The following TSHZ2 variants were observed in gnomAD, a reference collection of about 807,000 sequenced individuals.
TSHZ2 encodes teashirt homolog 2.
Under a neutral mutation model 74.4 loss-of-function variants are expected in TSHZ2, and 21 were observed. That is an observed-to-expected ratio of 0.28 (90% CI 0.20 to 0.41). TSHZ2 has a LOEUF of 0.41. Ranked by LOEUF, TSHZ2 falls within the 10% of genes least tolerant of loss-of-function variation. The pLI, the probability that TSHZ2 is intolerant of heterozygous loss-of-function variation, is 1.00. For missense variants in TSHZ2, 1,244 were observed against 1,293.5 expected, an observed-to-expected ratio of 0.96 and a Z score of 0.59; for synonymous variants, 540 against 515.3, an observed-to-expected ratio of 1.05 and a Z score of -0.65.
chr20:53,184,369 T>G (rs1452768272), intron 1 of TSHZ2, among the ~76,000 whole-genome samples: 4 of 152,242 alleles, frequency 2.6e-5, no homozygotes, highest in Non-Finnish European at 4.4e-5. Context: ...GACTGACTTT[T>G]TCTGAATTTT....
chr20:52,972,872 G>T lies in TSHZ2; in HGVS notation c.-422G>T. 4.4e-6 allele frequency: 1 copy of T among 228,404 alleles called. No homozygotes were observed. 14.1% of individuals were successfully genotyped at this position (228,404 alleles called of 1,614,324 possible). A position where few individuals can be genotyped will look rare whatever the true frequency, so the allele number is the denominator to read the frequency against. On this transcript the variant is annotated 5_prime_UTR_variant, in exon 1 of 3. Transcript: ENST00000371497. ...ACGCGCGAGTGTGCCTGTGGCGCGT[G>T]TGCGCCCCTCGTCCCTTCCATCCGA...
intron 2 of TSHZ2, among the ~76,000 whole-genome samples, chr20:53,334,367 C>A (rs1354207639): frequency 6.6e-6 from 1 of 152,094 alleles, no homozygotes; most frequent in African/African-American, 2.4e-5. Context: ...AAGTGAAAGC[C>A]ACACAGACAT....
In TSHZ2 at chr20:53,424,687, G is replaced by C. The variant is rs995327941; in HGVS notation, c.*9-62457G>C. Among the ~76,000 whole-genome samples the C allele has an allele frequency of 2.0e-5, 3 of 152,116 alleles. No individual in the cohort carries two copies. In the East Asian group the frequency reaches 5.8e-4, roughly 29 times the overall value. On this transcript the variant is annotated intron_variant, in intron 2 of 2. Transcript: ENST00000371497. ...CCATCACCTAGGTATTAAGCCCGGC[G>C]TGCATTAGCTATTTTTCCTGATGCT...
At chr20:53,014,817 T>C (rs1188482775) in intron 1 of TSHZ2, among the ~76,000 whole-genome samples, 1 of 152,160 alleles carries the variant, frequency 6.6e-6, no homozygotes, top group Non-Finnish European at 1.5e-5. Context: ...CCTGCTCCCC[T>C]CCACCTCCCT....
At chr20:53,444,569 C>T (rs1984477880) in intron 2 of TSHZ2, among the ~76,000 whole-genome samples, 1 of 152,134 alleles carries the variant, frequency 6.6e-6, no homozygotes, top group Non-Finnish European at 1.5e-5. Flanking sequence ...TCACGAGAGC[C>T]CTGTCAGCAT....
intron 2 of TSHZ2, among the ~76,000 whole-genome samples, chr20:53,433,584 GACACACACAC>G (rs59162370): frequency 2.8e-4 from 38 of 137,158 alleles, no homozygotes; most frequent in Middle Eastern, 7.2e-3. Context: ...CAGACACACA[GACACACACAC>G]ACACACACAC....
chr20:53,114,773 A>G (rs1986624752), intron 1 of TSHZ2, among the ~76,000 whole-genome samples: 1 of 152,010 alleles, frequency 6.6e-6, no homozygotes, highest in African/African-American at 2.4e-5. Flanking sequence ...AGGGGTGATT[A>G]TTTGGGCCTT....
intron 1 of TSHZ2, among the ~76,000 whole-genome samples, chr20:52,994,879 C>T (rs1225720912): frequency 1.3e-5 from 2 of 152,216 alleles, no homozygotes; most frequent in Admixed American, 1.3e-4. Flanking sequence ...ACATGCCAGG[C>T]TCTGTCCCAT....
At chr20:53,186,293 G>A (rs1010464291) in intron 1 of TSHZ2, among the ~76,000 whole-genome samples, 3 of 152,162 alleles carry the variant, frequency 2.0e-5, no homozygotes, top group Non-Finnish European at 2.9e-5. Flanking sequence ...TTAGAGCTGG[G>A]TATTAAAGAT....
At chr20:53,157,491 G>T (rs1360426948) in intron 1 of TSHZ2, among the ~76,000 whole-genome samples, 1 of 149,256 alleles carries the variant, frequency 6.7e-6, no homozygotes, top group African/African-American at 2.5e-5. Context: ...ACTGCAGTCT[G>T]AAACTCCTGG....
chr20:53,098,142 G>T (rs2123283460), intron 1 of TSHZ2, among the ~76,000 whole-genome samples: 1 of 152,292 alleles, frequency 6.6e-6, no homozygotes, highest in South Asian at 2.1e-4. Context: ...GTGGTTACGA[G>T]CATAGCATTT....
intron 1 of TSHZ2, among the ~76,000 whole-genome samples, chr20:53,229,839 AAAG>A (rs1378876394): frequency 1.3e-5 from 2 of 150,124 alleles, no homozygotes; most frequent in African/African-American, 2.5e-5. Flanking sequence ...AAGAGAAAGA[AAAG>A]AAAAAAAGAA....
intron 2 of TSHZ2, among the ~76,000 whole-genome samples, chr20:53,425,434 C>T (rs1008463707): frequency 2.0e-5 from 3 of 152,174 alleles, no homozygotes; most frequent in Middle Eastern, 3.2e-3. Flanking sequence ...TGCTCATTTC[C>T]CTGCAAGGAA....
At chr20:53,127,269 G>A (rs1214266183) in intron 1 of TSHZ2, among the ~76,000 whole-genome samples, 3 of 152,214 alleles carry the variant, frequency 2.0e-5, no homozygotes, top group Non-Finnish European at 4.4e-5. Flanking sequence ...AGAAAAGGAC[G>A]AAGCTCTCAG....
intron 2 of TSHZ2, among the ~76,000 whole-genome samples, chr20:53,258,617 T>A (rs1990535389): frequency 6.6e-6 from 1 of 152,008 alleles, no homozygotes; most frequent in African/African-American, 2.4e-5. Context: ...GAATCTGGAG[T>A]GTATGATACC....
At chr20:53,048,210 A>C (rs1984297083) in intron 1 of TSHZ2, among the ~76,000 whole-genome samples, 1 of 152,194 alleles carries the variant, frequency 6.6e-6, no homozygotes, top group Non-Finnish European at 1.5e-5. Context: ...AAGACAGCCC[A>C]GGACCCATTC....
At chr20:52,989,634 A>G (rs1283273112) in intron 1 of TSHZ2, among the ~76,000 whole-genome samples, 2 of 152,162 alleles carry the variant, frequency 1.3e-5, no homozygotes, top group Non-Finnish European at 2.9e-5. Context: ...CTTATTACAT[A>G]CTCAGAACAA....
intron 2 of TSHZ2, among the ~76,000 whole-genome samples, chr20:53,436,536 A>ATTTTTTTTTTTTTTTT (rs71194478): frequency 4.8e-5 from 4 of 83,562 alleles, no homozygotes; most frequent in African/African-American, 1.5e-4. Context: ...TATTATTATT[A>ATTTTTTTTTTTTTTTT]TTATTATTAT....
At chr20:53,206,502 A>G (rs1358383389) in intron 1 of TSHZ2, 4 of 152,388 alleles carry the variant, frequency 2.6e-5, no homozygotes, top group African/African-American at 7.2e-5. Context: ...GATTTCATCT[A>G]TGAGCCACCA....
Sources: allele counts gnomAD v4.1 joint callset (sites outside exome capture counted in the v4.1 genomes callset), GRCh38; gene constraint gnomAD v4.1.1; transcripts MANE v1.5; gene names NCBI Gene and HGNC (gene_info 2026-07-23, HGNC 2026-07-21).